NTN1: variants seen among roughly 807,000 people sequenced by gnomAD.
NTN1 encodes netrin 1.
In NTN1, 11 loss-of-function variants were observed where a neutral mutation model predicts 54.2. That is an observed-to-expected ratio of 0.20 (90% CI 0.13 to 0.34). The LOEUF (loss-of-function observed/expected upper bound fraction) is 0.34, where lower values mean the gene tolerates loss of function less well. Among genes scored for constraint, NTN1 ranks in the 10% least tolerant of loss-of-function variants. NTN1 has a pLI of 1.00. For missense variants in NTN1, 740 were observed against 893.1 expected (o/e 0.83, Z 2.18); for synonymous variants, 371 against 382.0 (o/e 0.97, Z 0.33).
chr17:9,111,153 G>T (rs977059650), intron 2 of NTN1, among the ~76,000 whole-genome samples: 1 of 151,950 alleles, frequency 6.6e-6, no homozygotes, highest in Non-Finnish European at 1.5e-5. Flanking sequence ...GGCCAGGATG[G>T]TCTCGATCTC....
intron 6 of NTN1, among the ~76,000 whole-genome samples, chr17:9,228,552 A>C (rs1158124946): frequency 6.6e-6 from 1 of 152,116 alleles, no homozygotes; most frequent in African/African-American, 2.4e-5. Flanking sequence ...ACTCAGAAAG[A>C]GGGGGAGACA....
the NTN1 span, among the ~76,000 whole-genome samples, chr17:9,014,848 C>T: frequency 6.6e-6 from 1 of 152,156 alleles, no homozygotes; most frequent in Non-Finnish European, 1.5e-5. Flanking sequence ...TGATTGAGAC[C>T]CAGTCAAGCC....
chr17:9,039,751 G>A (rs1178293588), intron 2 of NTN1, among the ~76,000 whole-genome samples: 4 of 152,000 alleles, frequency 2.6e-5, no homozygotes, highest in Non-Finnish European at 4.4e-5. Flanking sequence ...CGGTACGTGT[G>A]GTCTGGTTTC....
intron 2 of NTN1, among the ~76,000 whole-genome samples, chr17:9,065,078 AGGT>A (rs1235442470): frequency 2.0e-5 from 3 of 152,296 alleles, no homozygotes; most frequent in African/African-American, 7.2e-5. Flanking sequence ...TTGGGATTAC[AGGT>A]GTGCACCACC....
At chr17:9,104,088 C>CA (rs55732200) in intron 2 of NTN1, among the ~76,000 whole-genome samples, 11,750 of 70,494 alleles carry the variant, frequency 0.17, 2,036 homozygotes, top group African/African-American at 0.34. Flanking sequence ...GACTCCATCT[C>CA]AAAAAAAAAA....
chr17:9,163,290 T>G (rs2092363469), intron 3 of NTN1, among the ~76,000 whole-genome samples: 1 of 151,840 alleles, frequency 6.6e-6, no homozygotes, highest in Non-Finnish European at 1.5e-5. Flanking sequence ...GGTGCAGGGC[T>G]GCGGCCGCCA....
intron 2 of NTN1, among the ~76,000 whole-genome samples, chr17:9,121,243 G>A (rs528678462): frequency 2.6e-5 from 4 of 152,258 alleles, no homozygotes; most frequent in East Asian, 3.9e-4. Context: ...CCTAGAGGCC[G>A]TGTACATTCA....
intron 2 of NTN1, among the ~76,000 whole-genome samples, chr17:9,038,069 T>C (rs937908903): frequency 2.0e-5 from 3 of 152,202 alleles, no homozygotes; most frequent in Non-Finnish European, 4.4e-5. Context: ...CAGCTGAGTC[T>C]GGGCTTGAGA....
chr17:9,071,598 C>T lies in NTN1; in HGVS notation c.1018+48207C>T, dbSNP rs188614379. 2.0e-4 allele frequency among the ~76,000 whole-genome samples: 31 copies of T among 152,324 alleles called. 1 individual carries two copies. The highest frequency in any genetic ancestry group is 5.1e-4 in the African/African-American group (21 of 41,574). On this transcript the variant is annotated intron_variant, in intron 2 of 6. Transcript: ENST00000173229. The stretch of plus-strand genomic sequence containing the variant: ...TGGAAGCCAAAGGACTTGGCTCAGA[C>T]CCACCCCTGGGGCCAGTCCTACAGC...
intron 2 of NTN1, among the ~76,000 whole-genome samples, chr17:9,154,058 G>T (rs567622116): frequency 5.3e-5 from 8 of 152,244 alleles, no homozygotes; most frequent in Admixed American, 5.2e-4. Flanking sequence ...CACGGTCCCC[G>T]TAGGGGTCAT....
intron 6 of NTN1, among the ~76,000 whole-genome samples, chr17:9,227,576 CAT>C (rs1300181759): frequency 2.9e-5 from 3 of 102,136 alleles, no homozygotes; most frequent in Admixed American, 2.1e-4. Context: ...CACACACACA[CAT>C]CACACACGCA....
intron 5 of NTN1, among the ~76,000 whole-genome samples, chr17:9,184,877 T>C (rs1394695222): frequency 1.3e-5 from 2 of 152,224 alleles, no homozygotes; most frequent in Non-Finnish European, 2.9e-5. Context: ...AGACAAAAGA[T>C]TCCGGAGCAG....
rs1905290774 is a variant in NTN1, at chr17:9,219,805, C to T, written c.1412-1363C>T. Among the ~76,000 whole-genome samples the T allele has an allele frequency of 6.6e-6, 1 of 152,238 alleles. No individual in the cohort carries two copies. Among genetic ancestry groups the T allele is most frequent in the South Asian group, 2.1e-4 (1 of 4,834 alleles). ...CCCTCTGCGGGATAGGACGCTGCCA[C>T]CTGCCCCTGGAGCAGCCGCCCGTGT... is the stretch of plus-strand genomic sequence containing the variant. On this transcript the variant is annotated intron_variant, in intron 5 of 6. Coordinates refer to ENST00000173229, the MANE Select transcript of NTN1 (RefSeq NM_004822.3). This position sits in a 1 kb window ranked among gnomAD's most constrained non-coding sequence, Gnocchi z 4.5.
intron 2 of NTN1, among the ~76,000 whole-genome samples, chr17:9,028,749 A>T (rs1425416442): frequency 6.6e-6 from 1 of 152,100 alleles, no homozygotes; most frequent in Non-Finnish European, 1.5e-5. Flanking sequence ...CCAACATTGT[A>T]TTCTTAATAG....
chr17:9,157,070 CATCT>C (rs1255423477), intron 2 of NTN1, among the ~76,000 whole-genome samples: 4 of 152,228 alleles, frequency 2.6e-5, no homozygotes, highest in East Asian at 3.9e-4. Context: ...TTCATCCATC[CATCT>C]ATCTTCTCTC....
At chr17:9,101,292 A>G (rs1190155560) in intron 2 of NTN1, among the ~76,000 whole-genome samples, 2 of 152,036 alleles carry the variant, frequency 1.3e-5, no homozygotes, top group Admixed American at 6.6e-5. Flanking sequence ...CATCCAGTCT[A>G]TTTCAGGGAG....
At chr17:9,038,909 T>G (rs1047418422) in intron 2 of NTN1, among the ~76,000 whole-genome samples, 9 of 152,226 alleles carry the variant, frequency 5.9e-5, no homozygotes, top group South Asian at 2.1e-4. Context: ...TATTTTAATC[T>G]TTCACACATC....
chr17:9,028,780 A>G (rs553858446), intron 2 of NTN1, among the ~76,000 whole-genome samples: 13 of 152,262 alleles, frequency 8.5e-5, no homozygotes, highest in South Asian at 6.2e-4. Context: ...TTACACTTCA[A>G]ATGTCCACTG....
intron 5 of NTN1, among the ~76,000 whole-genome samples, chr17:9,209,025 C>T (rs1372151628): frequency 2.6e-5 from 4 of 152,248 alleles, no homozygotes; most frequent in African/African-American, 4.8e-5. Context: ...GCTGCAGAGT[C>T]GGAGGCCACC....
Sources: gnomAD v4.1 joint callset for allele counts (sites outside exome capture counted in the v4.1 genomes callset) on GRCh38, gnomAD v4.1.1 for gene constraint, Gnocchi (gnomAD v3.1) non-coding constraint, MANE v1.5 for transcripts, NCBI Gene and HGNC (gene_info 2026-07-23, HGNC 2026-07-21) for gene names.